The following NEK10 variants were observed in gnomAD, a reference collection of about 807,000 sequenced individuals.
NEK10 encodes serine/threonine-protein kinase Nek10.
In NEK10, 122 loss-of-function variants were observed where a neutral mutation model predicts 159.8. The ratio of observed to expected loss-of-function variants is 0.76; its 90% CI spans 0.66 to 0.89. The LOEUF is 0.89. Ranked by LOEUF, NEK10 falls within the 40% of genes least tolerant of loss-of-function variation. The pLI, the probability that NEK10 is intolerant of heterozygous loss-of-function variation, is 0.00. For synonymous variants in NEK10, 466 were observed against 457.1 expected, an observed-to-expected ratio of 1.02 and a Z score of -0.25; for missense variants, 1,342 against 1,323.1, an observed-to-expected ratio of 1.01 and a Z score of -0.22.
intron 22 of NEK10, among the ~76,000 whole-genome samples, chr3:27,264,390 GA>G (rs1451104732): frequency 6.6e-6 from 1 of 152,066 alleles, no homozygotes; most frequent in Non-Finnish European, 1.5e-5. Context: ...AAAAATTATT[GA>G]CAAAATGTAA....
At chr3:27,275,369 A>C (rs776644755) in intron 22 of NEK10, among the ~76,000 whole-genome samples, 2 of 152,222 alleles carry the variant, frequency 1.3e-5, no homozygotes, top group Admixed American at 6.5e-5. Flanking sequence ...ATGGCAATAC[A>C]AGGCAACTGT....
At chr3:27,313,658 T>C (rs1559484884) in intron 7 of NEK10, among the ~76,000 whole-genome samples, 1 of 152,136 alleles carries the variant, frequency 6.6e-6, no homozygotes. Flanking sequence ...TACATATTTC[T>C]TTTCCTCCCA....
intron 6 of NEK10, among the ~76,000 whole-genome samples, chr3:27,314,966 G>C (rs576119448): frequency 7.2e-5 from 11 of 152,254 alleles, no homozygotes; most frequent in African/African-American, 2.6e-4. Context: ...TTAGATGAAT[G>C]ATCTTATTAG....
chr3:27,206,103 G>C (rs576961895), intron 23 of NEK10, among the ~76,000 whole-genome samples: 2 of 152,150 alleles, frequency 1.3e-5, no homozygotes, highest in Non-Finnish European at 2.9e-5. Flanking sequence ...CCTACCACAG[G>C]CCACATTTTC....
chr3:27,261,917 T>G (rs2040449335), intron 22 of NEK10, among the ~76,000 whole-genome samples: 1 of 152,194 alleles, frequency 6.6e-6, no homozygotes, highest in African/African-American at 2.4e-5. Context: ...CTGTATTGGG[T>G]GCATATATAT....
At chr3:27,291,238 A>G (rs372221602) in intron 18 of NEK10, 24 bp downstream of exon 18, 55 of 1,604,704 alleles carry the variant, frequency 3.4e-5, no homozygotes, top group Non-Finnish European at 4.4e-5. Context: ...GAGTATCAGA[A>G]ATGTTCCCCA....
At chr3:27,121,065 C>A (rs557698781) in intron 32 of NEK10, among the ~76,000 whole-genome samples, 1 of 152,252 alleles carries the variant, frequency 6.6e-6, no homozygotes, top group African/African-American at 2.4e-5. Flanking sequence ...TATGACCCAG[C>A]AATCTGACTC....
intron 32 of NEK10, among the ~76,000 whole-genome samples, chr3:27,122,852 T>C (rs1941494951): frequency 6.6e-6 from 1 of 152,174 alleles, no homozygotes; most frequent in South Asian, 2.1e-4. Context: ...AAGTCATCTT[T>C]CAGGGTTCAT....
intron 5 of NEK10, among the ~76,000 whole-genome samples, chr3:27,331,251 C>CAAAAAAAAAAAAAACA (rs1247716064): frequency 1.9e-5 from 1 of 53,910 alleles, no homozygotes; most frequent in African/African-American, 4.6e-5. Flanking sequence ...AAAAAAAAAA[C>CAAAAAAAAAAAAAACA]AAAAAAAAAA....
intron 26 of NEK10, among the ~76,000 whole-genome samples, chr3:27,189,356 T>C (rs1315990134): frequency 1.3e-5 from 2 of 152,126 alleles, no homozygotes; most frequent in Admixed American, 1.3e-4. Flanking sequence ...ATGTTTCTTA[T>C]CAATTGTTTG....
intron 23 of NEK10, among the ~76,000 whole-genome samples, chr3:27,209,799 A>C (rs1313068355): frequency 6.6e-6 from 1 of 152,170 alleles, no homozygotes; most frequent in Admixed American, 6.5e-5. Flanking sequence ...TCTCACCCCC[A>C]AAAAACACTT....
Position 27,284,954 on chromosome 3 carries a change from C to T in NEK10, c.1797G>A (p.Arg599=). 1 of 1,595,064 alleles carries T rather than the reference C, an allele frequency of 6.3e-7. No homozygotes were observed. Among genetic ancestry groups the T allele is most frequent in the Non-Finnish European group, 8.5e-7 (1 of 1,173,032 alleles). Residue 599 remains arginine, a synonymous_variant, in exon 21 of 36, where the codon AGG becomes AGA. Coordinates refer to ENST00000691995, the MANE Select transcript of NEK10 (RefSeq NM_001394966.1). Reference sequence around the variant, plus strand: ...CTATCAGCTCCATAACTATGTACAACCTATCATCTATATAAATATCACAAA... The same window carrying T: ...CTATCAGCTCCATAACTATGTACAATCTATCATCTATATAAATATCACAAA... ...RYYKTFLEND[R]LYIVMELIEG... is the part of the protein sequence containing the mutation.
intron 23 of NEK10, among the ~76,000 whole-genome samples, chr3:27,224,205 A>T (rs964740356): frequency 1.1e-3 from 164 of 152,306 alleles, no homozygotes; most frequent in African/African-American, 3.8e-3. Context: ...TCCTGTCCCA[A>T]CTGCCTCCCC....
chr3:27,259,893 A>C (rs371716964), intron 22 of NEK10, among the ~76,000 whole-genome samples: 17 of 151,904 alleles, frequency 1.1e-4, no homozygotes, highest in Admixed American at 2.0e-4. Context: ...CTTTTATTTC[A>C]TTGAGCAGTG....
At chr3:27,334,150 T>C (rs192616771) in intron 5 of NEK10, among the ~76,000 whole-genome samples, 2 of 151,766 alleles carry the variant, frequency 1.3e-5, no homozygotes, top group African/African-American at 4.8e-5. Context: ...ACCTAAACCC[T>C]CCTCCCAAGG....
intron 5 of NEK10, among the ~76,000 whole-genome samples, chr3:27,325,257 C>T (rs2045928356): frequency 6.6e-6 from 1 of 152,168 alleles, no homozygotes; most frequent in African/African-American, 2.4e-5. Context: ...CACAAAGCAT[C>T]TTCTATTTCA....
At chr3:27,279,694 T>C (rs1178674226) in intron 22 of NEK10, among the ~76,000 whole-genome samples, 2 of 152,156 alleles carry the variant, frequency 1.3e-5, no homozygotes, top group Non-Finnish European at 2.9e-5. Flanking sequence ...TGGGAGTACA[T>C]GAATGCCCTA....
intron 23 of NEK10, among the ~76,000 whole-genome samples, chr3:27,217,240 CAAAG>C (rs1451698532): frequency 6.6e-6 from 1 of 152,046 alleles, no homozygotes; most frequent in Non-Finnish European, 1.5e-5. Flanking sequence ...CATTACAAAA[CAAAG>C]AAGAAAATCC....
chr3:27,118,636 AC>A (rs1940843707), intron 33 of NEK10, among the ~76,000 whole-genome samples: 1 of 152,116 alleles, frequency 6.6e-6, no homozygotes, highest in Non-Finnish European at 1.5e-5. Context: ...TTGTCAACTC[AC>A]CCTCAGGTTT....
Sources: gnomAD v4.1 joint callset for allele counts (sites outside exome capture counted in the v4.1 genomes callset) on GRCh38, gnomAD v4.1.1 for gene constraint, MANE v1.5 for transcripts, NCBI Gene and HGNC (gene_info 2026-07-23, HGNC 2026-07-21) for gene names.